GRIK2: variants seen among roughly 807,000 people sequenced by gnomAD.
GRIK2 encodes glutamate ionotropic receptor kainate type subunit 2.
Under a neutral mutation model 100.3 loss-of-function variants are expected in GRIK2, and 32 were observed. The ratio of observed to expected loss-of-function variants is 0.32; its 90% CI spans 0.24 to 0.43. GRIK2 has a LOEUF of 0.43. GRIK2 is among the 20% of genes least tolerant of loss of function. GRIK2 has a pLI of 1.00. For synonymous variants in GRIK2, 417 were observed against 389.4 expected, an observed-to-expected ratio of 1.07 and a Z score of -0.83; for missense variants, 843 against 1,114.9, an observed-to-expected ratio of 0.76 and a Z score of 3.47.
chr6:101,513,065 A>G (rs1774399576), intron 2 of GRIK2, among the ~76,000 whole-genome samples: 1 of 152,038 alleles, frequency 6.6e-6, no homozygotes, highest in African/African-American at 2.4e-5. Flanking sequence ...ATGAGTGACC[A>G]TGGCCCATGA....
intron 14 of GRIK2, among the ~76,000 whole-genome samples, chr6:101,961,501 G>T (rs370428307): frequency 1.4e-4 from 22 of 152,218 alleles, no homozygotes; most frequent in East Asian, 5.8e-4. Flanking sequence ...CGCAGCTGTG[G>T]GTCGGCAGGC....
At chr6:101,865,183 A>C (rs1229515184) in intron 11 of GRIK2, among the ~76,000 whole-genome samples, 1 of 152,242 alleles carries the variant, frequency 6.6e-6, no homozygotes, top group East Asian at 1.9e-4. Flanking sequence ...AACTATAGTA[A>C]AATGGGAAGT....
intron 11 of GRIK2, among the ~76,000 whole-genome samples, chr6:101,872,111 C>G (rs1034123126): frequency 6.6e-6 from 1 of 151,808 alleles, no homozygotes; most frequent in African/African-American, 2.4e-5. Flanking sequence ...ATGTGGTTTT[C>G]ATAATAATTG....
At chr6:101,567,911 A>C (rs1020298107) in intron 2 of GRIK2, among the ~76,000 whole-genome samples, 3 of 152,028 alleles carry the variant, frequency 2.0e-5, no homozygotes, top group African/African-American at 7.2e-5. Context: ...GGAGAAAACT[A>C]ATTTTACCTT....
chr6:101,969,992 C>T (rs967999870), intron 14 of GRIK2, among the ~76,000 whole-genome samples: 3 of 151,980 alleles, frequency 2.0e-5, no homozygotes, highest in African/African-American at 7.2e-5. Flanking sequence ...AACCATCTCA[C>T]CTAATTCAAT....
At chr6:102,034,631 G>T (rs537427375) in intron 14 of GRIK2, among the ~76,000 whole-genome samples, 188 of 151,378 alleles carry the variant, frequency 1.2e-3, no homozygotes, top group African/African-American at 4.4e-3. Context: ...GCCCTCCTGA[G>T]AATTTTCAGT....
intron 2 of GRIK2, among the ~76,000 whole-genome samples, chr6:101,557,663 G>C (rs939253769): frequency 5.3e-5 from 8 of 152,110 alleles, no homozygotes; most frequent in African/African-American, 1.9e-4. Context: ...ATTCACAGAA[G>C]CCGCTCTATA....
intron 14 of GRIK2, among the ~76,000 whole-genome samples, chr6:101,994,261 T>C (rs73500517): frequency 0.042 from 6,313 of 151,338 alleles, 451 homozygotes; most frequent in African/African-American, 0.15. Context: ...TTCCAAATGA[T>C]AGGACCTTTA....
intron 14 of GRIK2, among the ~76,000 whole-genome samples, chr6:101,994,345 A>C (rs1794539098): frequency 1.3e-5 from 2 of 151,718 alleles, no homozygotes; most frequent in Non-Finnish European, 2.9e-5. Context: ...GTGTTCATTA[A>C]ATGAAATAAT....
chr6:101,956,411 G>A (rs1436573500), intron 14 of GRIK2, among the ~76,000 whole-genome samples: 5 of 152,018 alleles, frequency 3.3e-5, no homozygotes, highest in African/African-American at 9.7e-5. Context: ...GATTTCAGGG[G>A]TACAAGTGCA....
At chr6:102,054,514 A>G (rs1027770777) in intron 15 of GRIK2, among the ~76,000 whole-genome samples, 10 of 152,134 alleles carry the variant, frequency 6.6e-5, no homozygotes, top group Non-Finnish European at 1.3e-4. Flanking sequence ...ATGTGCTTCA[A>G]TATTTTTATA....
intron 4 of GRIK2, among the ~76,000 whole-genome samples, chr6:101,648,481 T>C (rs2128327378): frequency 6.6e-6 from 1 of 152,244 alleles, no homozygotes; most frequent in South Asian, 2.1e-4. Context: ...TACATCTATG[T>C]AGAAATATTT....
At chr6:101,607,250 A>G (rs2128311983) in intron 2 of GRIK2, among the ~76,000 whole-genome samples, 1 of 152,084 alleles carries the variant, frequency 6.6e-6, no homozygotes, top group African/African-American at 2.4e-5. Context: ...CCCCTGTGTG[A>G]AGCGTTATAT....
chr6:101,749,355 T>G (rs955207846), intron 7 of GRIK2, among the ~76,000 whole-genome samples: 1 of 152,148 alleles, frequency 6.6e-6, no homozygotes, highest in Admixed American at 6.5e-5. Flanking sequence ...GTGATCCATC[T>G]GTCTCGGCCC....
chr6:101,400,069 T>C (rs1433325458), intron 2 of GRIK2, among the ~76,000 whole-genome samples: 1 of 152,192 alleles, frequency 6.6e-6, no homozygotes, highest in Admixed American at 6.5e-5. Context: ...TGTTTGTTTT[T>C]AACTTGCTGA....
intron 2 of GRIK2, among the ~76,000 whole-genome samples, chr6:101,522,096 T>A (rs959758470): frequency 3.3e-5 from 5 of 152,126 alleles, no homozygotes; most frequent in Non-Finnish European, 7.4e-5. Context: ...GTTATCAAAA[T>A]TTTAGGGCTA....
intron 7 of GRIK2, among the ~76,000 whole-genome samples, chr6:101,774,425 C>T (rs1778609358): frequency 6.6e-6 from 1 of 152,080 alleles, no homozygotes; most frequent in Non-Finnish European, 1.5e-5. Flanking sequence ...AATAGCGGTT[C>T]CAAATGTAGT....
At chr6:101,818,297 T>C in intron 9 of GRIK2, 73 bp from the exon 10 acceptor site, 1 of 798,162 alleles carries the variant, frequency 1.3e-6, no homozygotes, top group South Asian at 1.6e-5. Flanking sequence ...GTTAGCAATC[T>C]TAACTTTCTT....
At chr6:101,629,232 G>A (rs371206934) in intron 4 of GRIK2, among the ~76,000 whole-genome samples, 1 of 152,080 alleles carries the variant, frequency 6.6e-6, no homozygotes, top group East Asian at 1.9e-4. Flanking sequence ...AGGTGACATA[G>A]ACAGTTGGAT....
Sources: gnomAD v4.1 joint callset for allele counts (sites outside exome capture counted in the v4.1 genomes callset) on GRCh38, gnomAD v4.1.1 for gene constraint, MANE v1.5 for transcripts, NCBI Gene and HGNC (gene_info 2026-07-23, HGNC 2026-07-21) for gene names.